The following SEL1L3 variants were observed in gnomAD, a reference collection of about 807,000 sequenced individuals.
The protein encoded by SEL1L3 is SEL1L family member 3.
Under a neutral mutation model 142.8 loss-of-function variants are expected in SEL1L3, and 76 were observed. The observed-to-expected ratio is 0.53, with a 90% CI of 0.44 to 0.64. SEL1L3 has a LOEUF of 0.64. Among genes scored for constraint, SEL1L3 ranks in the 30% least tolerant of loss-of-function variants. The probability of loss-of-function intolerance (pLI) is 0.00; values close to 1 mark genes in which losing one functional copy is unlikely to be tolerated. For missense variants in SEL1L3, 1,262 were observed against 1,381.7 expected, an observed-to-expected ratio of 0.91 and a Z score of 1.37; for synonymous variants, 504 against 519.6, an observed-to-expected ratio of 0.97 and a Z score of 0.41.
At chr4:25,844,704 C>A (rs1051389541) in intron 2 of SEL1L3, among the ~76,000 whole-genome samples, 6 of 152,194 alleles carry the variant, frequency 3.9e-5, no homozygotes, top group South Asian at 2.1e-4. Flanking sequence ...AATCATTAAT[C>A]CCTGACAAAG....
rs775726205 is a variant in SEL1L3, at chr4:25,788,265, C to T, written c.2176G>A (p.Asp726Asn). 7 of 1,613,980 alleles carry T rather than the reference C, an allele frequency of 4.3e-6. No homozygotes were observed. In the East Asian group the frequency reaches 1.3e-4, roughly 31 times the overall value. Residue 726 changes from aspartate (D) to asparagine (N), a missense_variant, in exon 13 of 24, where the codon GAT becomes AAT. Physicochemically the swap from Asp to Asn is conservative, Grantham distance 23. Around this residue, in one of 3 missense-constraint regions of SEL1L3, gnomAD observed 435 missense variants for 559.2 expected, o/e 0.78. Transcript: ENST00000399878. The surrounding 1 kb of genome is among the most constrained non-coding windows in gnomAD (Gnocchi z 5.3). ...GCATAGTCATAGATTAACGCAGGAT[C>T]CTCCGTCTCCAGGGCGCCCTTGGCG... is the stretch of plus-strand genomic sequence containing the variant. ...WYAKGALETEDPALIYDYAIV... is the reference protein window; with the variant it reads ...WYAKGALETENPALIYDYAIV...
At chr4:25,831,293 C>T (rs915197495) in intron 5 of SEL1L3, among the ~76,000 whole-genome samples, 2 of 151,766 alleles carry the variant, frequency 1.3e-5, no homozygotes, top group Non-Finnish European at 2.9e-5. Flanking sequence ...TTTCTATAGT[C>T]CATAAATTTT....
rs938532674 is a variant in SEL1L3, at chr4:25,833,359, A to T, written c.982+89T>A. ...CTTGCTGGGCTGCCATGTTGACAGGATCTTCCTTATTCTAGACAGACATAT... is the reference window on the plus strand; with the variant it reads ...CTTGCTGGGCTGCCATGTTGACAGGTTCTTCCTTATTCTAGACAGACATAT... On this transcript the variant is annotated intron_variant, in intron 4 of 23. Transcript: ENST00000399878. 8.6e-6 allele frequency: 11 copies of T among 1,283,196 alleles called. No individual in the cohort carries two copies. In the Admixed American group the frequency reaches 1.8e-4, roughly 21 times the overall value. 79.5% of individuals were successfully genotyped at this position (1,283,196 alleles called of 1,614,324 possible).
chr4:25,837,586 A>G (rs747541770), intron 2 of SEL1L3, among the ~76,000 whole-genome samples: 19 of 152,002 alleles, frequency 1.2e-4, no homozygotes, highest in Admixed American at 3.9e-4. Context: ...TGTACCCAAC[A>G]AAACCAAAGT....
Position 25,854,967 on chromosome 4 carries a change from G to A in SEL1L3, c.163-7103C>T, listed in dbSNP as rs1022436299. 2.0e-5 allele frequency among the ~76,000 whole-genome samples: 3 copies of A among 152,232 alleles called. 1 individual carries two copies. Among genetic ancestry groups the A allele is most frequent in the African/African-American group, 7.2e-5 (3 of 41,462 alleles). On this transcript the variant is annotated intron_variant, in intron 1 of 23. Transcript: ENST00000399878. ...TTAATGAGGGTGTGTTGGCCCCAAA[G>A]AGGGCCTCAAAATCACCCTGCATGG...
rs1444572664 is a variant in SEL1L3, at chr4:25,832,010, C to T, written c.1098+985G>A. On this transcript the variant is annotated intron_variant, in intron 5 of 23. Transcript: ENST00000399878. Reference sequence around the variant, plus strand: ...AGCTGACCTTCTCCGTAAGAGAAAGCATCAACCAAGCTATTATGGCCATCA... The same window carrying T: ...AGCTGACCTTCTCCGTAAGAGAAAGTATCAACCAAGCTATTATGGCCATCA... Among the ~76,000 whole-genome samples, 6 of 152,156 alleles carry T rather than the reference C, an allele frequency of 3.9e-5. No homozygotes were observed. In the East Asian group the frequency reaches 1.2e-3, roughly 29 times the overall value.
At chr4:25,821,777 G>A (rs1264636261) in intron 7 of SEL1L3, among the ~76,000 whole-genome samples, 1 of 152,230 alleles carries the variant, frequency 6.6e-6, no homozygotes, top group Non-Finnish European at 1.5e-5. Context: ...AACAGAGGAA[G>A]TCAATGGTTT....
chr4:25,800,662 T>C (rs1713117078), intron 11 of SEL1L3, among the ~76,000 whole-genome samples: 2 of 152,204 alleles, frequency 1.3e-5, no homozygotes, highest in African/African-American at 2.4e-5. Flanking sequence ...AGAACAATTC[T>C]TTTTTTAAAA....
At chr4:25,762,772 G>A (rs1718457191) in intron 20 of SEL1L3, among the ~76,000 whole-genome samples, 1 of 152,138 alleles carries the variant, frequency 6.6e-6, no homozygotes, top group South Asian at 2.1e-4. Context: ...GAGGTCAAGA[G>A]ATGAAGACCA....
intron 13 of SEL1L3, among the ~76,000 whole-genome samples, chr4:25,785,852 C>T (rs756803879): frequency 3.3e-5 from 5 of 152,010 alleles, no homozygotes; most frequent in Admixed American, 6.6e-5. Flanking sequence ...AGAAATAAAA[C>T]GGGGGCCCAG....
chr4:25,738,743 G>T, the SEL1L3 span, among the ~76,000 whole-genome samples: 1 of 152,192 alleles, frequency 6.6e-6, no homozygotes, highest in South Asian at 2.1e-4. Context: ...TTGTGTGCAA[G>T]ACTCTGCTCT....
chr4:25,727,100 T>G, the SEL1L3 span, among the ~76,000 whole-genome samples: 98 of 151,950 alleles, frequency 6.4e-4, no homozygotes, highest in African/African-American at 2.2e-3. Context: ...TCACCCAGGC[T>G]GGAGTGCAAT....
chr4:25,722,623 G>GATTTTTTTTTTTT, the SEL1L3 span, among the ~76,000 whole-genome samples: 2 of 125,106 alleles, frequency 1.6e-5, no homozygotes, highest in African/African-American at 4.6e-5. Context: ...TCCAAAGGAG[G>GATTTTTTTTTTTT]CTTTTTTTTT....
intron 2 of SEL1L3, among the ~76,000 whole-genome samples, chr4:25,839,291 C>G (rs1716023827): frequency 6.6e-6 from 1 of 152,186 alleles, no homozygotes; most frequent in Non-Finnish European, 1.5e-5. Context: ...CTAAGGAAGT[C>G]TGTGGAACAT....
intron 20 of SEL1L3, chr4:25,759,999 G>A (rs1199008814): frequency 2.6e-5 from 4 of 152,104 alleles, no homozygotes; most frequent in Admixed American, 2.6e-4. Flanking sequence ...TGTTATGGGG[G>A]TTTGTTGTAC....
the SEL1L3 span, among the ~76,000 whole-genome samples, chr4:25,742,031 C>T: frequency 2.6e-5 from 4 of 151,698 alleles, no homozygotes; most frequent in African/African-American, 2.4e-5. Flanking sequence ...AGGCTGGTCT[C>T]GAACTCTTGT....
chr4:25,772,675 A>C (rs1308656239), intron 17 of SEL1L3, among the ~76,000 whole-genome samples: 2 of 152,232 alleles, frequency 1.3e-5, no homozygotes, highest in African/African-American at 4.8e-5. Context: ...GAAAAAAAGA[A>C]AAGAAAGAGA....
chr4:25,833,677 A>G (rs1715590495), intron 3 of SEL1L3, 108 bp from the exon 4 acceptor site: 2 of 1,033,832 alleles, frequency 1.9e-6, no homozygotes, highest in East Asian at 5.6e-5. Flanking sequence ...TGAATGGATG[A>G]ATTTGCCTTC....
At chr4:25,804,467 C>T (rs1318033596) in intron 10 of SEL1L3, 74 bp downstream of exon 10, 5 of 1,110,912 alleles carry the variant, frequency 4.5e-6, no homozygotes, top group Non-Finnish European at 6.7e-6. Context: ...TCCAGTTCTA[C>T]CAGGGGCACG....
Sources: gnomAD v4.1 joint callset for allele counts (sites outside exome capture counted in the v4.1 genomes callset) on GRCh38, gnomAD v4.1.1 for gene constraint, gnomAD v4.1.1 regional missense constraint, Gnocchi (gnomAD v3.1) non-coding constraint, MANE v1.5 for transcripts, NCBI Gene and HGNC (gene_info 2026-07-23, HGNC 2026-07-21) for gene names.